TRIP11: variants seen among roughly 807,000 people sequenced by gnomAD.
TRIP11 encodes thyroid receptor-interacting protein 11.
TRIP11 carries 148 observed loss-of-function variants against 223.1 expected under a neutral mutation model. The observed-to-expected ratio is 0.66, with a 90% CI of 0.58 to 0.76. TRIP11 has a LOEUF of 0.76. TRIP11 is among the 30% of genes least tolerant of loss of function. The pLI is 0.00. For synonymous variants in TRIP11, 762 were observed against 772.6 expected, an observed-to-expected ratio of 0.99 and a Z score of 0.23; for missense variants, 2,043 against 2,222.0, an observed-to-expected ratio of 0.92 and a Z score of 1.62.
At chr14:92,017,847 AG>A in intron 4 of TRIP11, 97 bp from the exon 5 acceptor site, 1 of 1,105,946 alleles carries the variant, frequency 9.0e-7, no homozygotes, top group Non-Finnish European at 1.3e-6. Context: ...TTTTGTAAAA[AG>A]GGGGATTTTC....
rs554049594 is a variant in TRIP11 at position 91,991,216 on chromosome 14, C to T, written c.5160+2593G>A. 3.4e-4 allele frequency among the ~76,000 whole-genome samples: 51 copies of T among 152,236 alleles called. 1 individual carries two copies. The South Asian group carries it at 0.01, about 31-fold the overall frequency. On this transcript the variant is annotated intron_variant, in intron 15 of 20. Coordinates refer to ENST00000267622, the MANE Select transcript of TRIP11 (RefSeq NM_004239.4). ...CATAATCAAGGAAGTAGGTTCCTTG[C>T]AAGAGGAGGAGTTTGGCTCCCTCTT... is the stretch of plus-strand genomic sequence containing the variant.
chr14:91,999,367 A>C lies in TRIP11; in HGVS notation c.4765T>G (p.Leu1589Val). The C allele has an allele frequency of 6.2e-7, 1 of 1,613,942 alleles. No individual in the cohort carries two copies. Among genetic ancestry groups the C allele is most frequent in the Non-Finnish European group, 8.5e-7 (1 of 1,179,914 alleles). The change falls in exon 13 of 21, where the codon TTA (leucine) becomes GTA (valine). Residue 1589 changes from leucine (L) to valine (V), a missense_variant. By Grantham distance (32) the Leu-to-Val change is conservative (BLOSUM62 1). Coordinates refer to ENST00000267622, the MANE Select transcript of TRIP11 (RefSeq NM_004239.4). ...CGGGTATAAGAATCTTCTGATTCTA[A>C]AAGATGATTACGCAATCTCTCTAGC... ...QELERLRNHL[L>V]ESEDSYTREA...
chr14:91,986,442 C>T (rs939276097), intron 16 of TRIP11, among the ~76,000 whole-genome samples: 5 of 152,150 alleles, frequency 3.3e-5, no homozygotes, highest in Non-Finnish European at 5.9e-5. Flanking sequence ...TTCATTTGAG[C>T]ATCATGTCAC....
Position 92,005,323 on chromosome 14 carries a change from G to A in TRIP11, c.2653C>T (p.Pro885Ser). Residue 885 changes from proline (P) to serine (S), a missense_variant, in exon 11 of 21, where the codon CCT becomes TCT. Coordinates refer to ENST00000267622, the MANE Select transcript of TRIP11 (RefSeq NM_004239.4). The part of the protein sequence containing the change: ...EQSRTAPVAD[P>S]KTLDSVTELA... ...TCAGTAACACTATCAAGGGTTTTAG[G>A]GTCAGCCACAGGTGCGGTTCGACTC... 6.2e-7 allele frequency: 1 copy of A among 1,614,042 alleles called. No individual in the cohort carries two copies. Among genetic ancestry groups the A allele is most frequent in the Non-Finnish European group, 8.5e-7 (1 of 1,180,002 alleles).
rs1431868915 is a variant in TRIP11 at position 91,974,736 on chromosome 14, T to C, written c.5465A>G (p.His1822Arg). ...VRREEMEQLF[H>R]DDQGGVTRWM... ...CCTGGTAACACCGCCCTGATCGTCA[T>C]GAAACAACTGAAAGATTATTTTAAA... The change falls in exon 19 of 21, where the codon CAT (histidine) becomes CGT (arginine). Residue 1822 changes from histidine to arginine, a missense_variant. Coordinates refer to ENST00000267622, the MANE Select transcript of TRIP11 (RefSeq NM_004239.4). 3 of 1,608,884 alleles carry C rather than the reference T, an allele frequency of 1.9e-6. No individual in the cohort carries two copies. The highest frequency in any genetic ancestry group is 2.2e-5 in the East Asian group (1 of 44,750).
chr14:92,006,050 G>A lies in TRIP11; in HGVS notation c.1926C>T (p.Thr642=). The A allele has an allele frequency of 6.3e-7, 1 of 1,582,318 alleles. No individual in the cohort carries two copies. Among genetic ancestry groups the A allele is most frequent in the Non-Finnish European group, 8.6e-7 (1 of 1,169,244 alleles). The change falls in exon 11 of 21, where the codon ACC becomes ACT. Residue 642 remains threonine (T), a synonymous_variant. Coordinates refer to ENST00000267622, the MANE Select transcript of TRIP11 (RefSeq NM_004239.4). ...NQDSNSNFKD[T]LLKEREAEVR... ...CTTCAGCTTCTCTTTCTTTAAGTAAGGTATCCTTAAAATTACTATTAGAGT... is the reference window on the plus strand; with the variant it reads ...CTTCAGCTTCTCTTTCTTTAAGTAAAGTATCCTTAAAATTACTATTAGAGT...
At chr14:92,031,172 G>A (rs2057260784) in intron 2 of TRIP11, among the ~76,000 whole-genome samples, 1 of 152,092 alleles carries the variant, frequency 6.6e-6, no homozygotes, top group Admixed American at 6.6e-5. Context: ...AGGCTGGAGT[G>A]CAATGGTACG....
In TRIP11 at chr14:92,011,062, A is replaced by G. The variant is rs2140125554; in HGVS notation, c.1238T>C (p.Leu413Pro). 6.2e-7 allele frequency: 1 copy of G among 1,614,068 alleles called. No homozygotes were observed. Among genetic ancestry groups the G allele is most frequent in the East Asian group, 2.2e-5 (1 of 44,858 alleles). ...TTTAAGTTTCAGATTGTCTTCAGCAAGACTGTTATCCTACAAAAATGTTAA... is the reference window on the plus strand; with the variant it reads ...TTTAAGTTTCAGATTGTCTTCAGCAGGACTGTTATCCTACAAAAATGTTAA... ...RLSSLNQDNSLAEDNLKLKMR... is the reference protein window; with the variant it reads ...RLSSLNQDNSPAEDNLKLKMR... Residue 413 changes from leucine to proline, a missense_variant, in exon 9 of 21, where the codon CTT (leucine) becomes CCT (proline). Transcript: ENST00000267622.
At chr14:92,011,655 T>C in intron 8 of TRIP11, 100 bp downstream of exon 8, 1 of 901,622 alleles carries the variant, frequency 1.1e-6, no homozygotes, top group Non-Finnish European at 1.7e-6. Flanking sequence ...AAGAAACAAC[T>C]CTTTGAATCT....
intron 11 of TRIP11, among the ~76,000 whole-genome samples, chr14:92,000,600 T>TAAA (rs1595383507): frequency 1.3e-5 from 2 of 152,216 alleles, no homozygotes; most frequent in East Asian, 3.8e-4. Flanking sequence ...ATAAGTTTAT[T>TAAA]AGAAATGTTT....
chr14:92,035,569 A>T (rs1177754559), intron 1 of TRIP11, among the ~76,000 whole-genome samples: 2 of 128,108 alleles, frequency 1.6e-5, no homozygotes, highest in East Asian at 2.3e-4. Flanking sequence ...CTCATTTTTT[A>T]TTTATTTATT....
intron 20 of TRIP11, among the ~76,000 whole-genome samples, chr14:91,971,797 T>C (rs2056403620): frequency 6.6e-6 from 1 of 152,342 alleles, no homozygotes; most frequent in Non-Finnish European, 1.5e-5. Flanking sequence ...AAAGGACTGA[T>C]AAATTTTACT....
intron 4 of TRIP11, among the ~76,000 whole-genome samples, chr14:92,019,289 T>C: frequency 6.6e-6 from 1 of 152,158 alleles, no homozygotes; most frequent in Admixed American, 6.5e-5. Context: ...ATGTGTTCCT[T>C]AGGTTATCAG....
chr14:92,037,674 G>C lies in TRIP11; in HGVS notation c.139+1873C>G, dbSNP rs146425142. Among the ~76,000 whole-genome samples the C allele has an allele frequency of 1.3e-5, 2 of 152,204 alleles. No individual in the cohort carries two copies. The highest frequency in any genetic ancestry group is 2.4e-5 in the African/African-American group (1 of 41,448). On this transcript the variant is annotated intron_variant, in intron 1 of 20. Coordinates refer to ENST00000267622, the MANE Select transcript of TRIP11 (RefSeq NM_004239.4). The surrounding 1 kb of genome is among the most constrained non-coding windows in gnomAD (Gnocchi z 4.2). ...GGATCACCTGCGGTCTCAGGAGTTC[G>C]AGATCAGCCTGGCCAACATGGCGAA...
At chr14:92,033,323 G>C (rs1348357126) in intron 1 of TRIP11, 70 bp from the exon 2 acceptor site, 7 of 1,209,460 alleles carry the variant, frequency 5.8e-6, no homozygotes, top group Non-Finnish European at 8.6e-6. Flanking sequence ...GTATTTTCAA[G>C]AAAATATATT....
chr14:92,006,341 T>C lies in TRIP11; in HGVS notation c.1635A>G (p.Gln545=), dbSNP rs761184503. The change falls in exon 11 of 21, where the codon CAA becomes CAG. Residue 545 remains glutamine (Q), a synonymous_variant. Coordinates refer to ENST00000267622, the MANE Select transcript of TRIP11 (RefSeq NM_004239.4). ...TAATGTCCATTTTATCATCTTCAAG[T>C]TGATGAACTCTCTTTTTTTCATCAT... is the stretch of plus-strand genomic sequence containing the variant. The part of the protein sequence containing the change: ...DLNDEKKRVH[Q]LEDDKMDITK... The C allele has an allele frequency of 6.2e-7, 1 of 1,611,400 alleles. No homozygotes were observed. The highest frequency in any genetic ancestry group is 1.3e-5 in the African/African-American group (1 of 74,764).
rs926640919 is a variant in TRIP11 at position 92,011,361 on chromosome 14, C to T, written c.1228-289G>A. On this transcript the variant is annotated intron_variant, in intron 8 of 20. Coordinates refer to ENST00000267622, the MANE Select transcript of TRIP11 (RefSeq NM_004239.4). Reference sequence around the variant, plus strand: ...AAAAAATTAGCCGGGTGTGGTGGCACGCTCCTATCATCCCAGCTACTCGGG... The same window carrying T: ...AAAAAATTAGCCGGGTGTGGTGGCATGCTCCTATCATCCCAGCTACTCGGG... Among the ~76,000 whole-genome samples the T allele has an allele frequency of 4.6e-5, 7 of 151,296 alleles. No homozygotes were observed. In the South Asian group the frequency reaches 1.0e-3, roughly 23 times the overall value.
intron 2 of TRIP11, among the ~76,000 whole-genome samples, 191 bp from the exon 3 acceptor site, chr14:92,025,611 T>G (rs922847578): frequency 1.4e-4 from 22 of 151,914 alleles, no homozygotes; most frequent in African/African-American, 5.3e-4. Flanking sequence ...AGCCGGGCAC[T>G]GTGGCTCACG....
intron 7 of TRIP11, among the ~76,000 whole-genome samples, chr14:92,012,268 A>G (rs1157536936): frequency 2.0e-5 from 3 of 152,208 alleles, no homozygotes; most frequent in Non-Finnish European, 4.4e-5. Context: ...AAGACCATTC[A>G]ATTTGGTATT....
Sources: gnomAD v4.1 joint callset for allele counts (sites outside exome capture counted in the v4.1 genomes callset) on GRCh38, gnomAD v4.1.1 for gene constraint, Gnocchi (gnomAD v3.1) non-coding constraint, MANE v1.5 for transcripts, NCBI Gene and HGNC (gene_info 2026-07-23, HGNC 2026-07-21) for gene names.